Variants in PMFBP1 observed in about 807,000 individuals in gnomAD.
The protein encoded by PMFBP1 is polyamine modulated factor 1 binding protein 1.
Under a neutral mutation model 137.8 loss-of-function variants are expected in PMFBP1, and 131 were observed. That is an observed-to-expected ratio of 0.95 (90% confidence interval 0.82 to 1.10). The LOEUF (loss-of-function observed/expected upper bound fraction) is 1.10, where lower values mean the gene tolerates loss of function less well. PMFBP1 is among the 50% of genes least tolerant of loss of function. The probability of loss-of-function intolerance (pLI) is 0.00; values close to 1 mark genes in which losing one functional copy is unlikely to be tolerated. For missense variants in PMFBP1, 1,199 were observed against 1,175.4 expected, an observed-to-expected ratio of 1.02 and a Z score of -0.29; for synonymous variants, 490 against 450.4, an observed-to-expected ratio of 1.09 and a Z score of -1.11.
the PMFBP1 span, among the ~76,000 whole-genome samples, chr16:72,245,622 T>G: frequency 1.1e-3 from 160 of 152,322 alleles, no homozygotes; most frequent in Middle Eastern, 0.01. Flanking sequence ...ATGGCTAATC[T>G]GTTCCCTCCA....
At chr16:72,204,900 G>A in the PMFBP1 span, among the ~76,000 whole-genome samples, 1 of 152,158 alleles carries the variant, frequency 6.6e-6, no homozygotes, top group East Asian at 1.9e-4. Flanking sequence ...CTGAGGAATG[G>A]AATTTTAAAT....
chr16:72,219,014 T>C, the PMFBP1 span, among the ~76,000 whole-genome samples: 2 of 152,250 alleles, frequency 1.3e-5, no homozygotes, highest in African/African-American at 4.8e-5. Flanking sequence ...TATTTTAAAT[T>C]AAGTAAAAAT....
At chr16:72,206,286 A>C in the PMFBP1 span, among the ~76,000 whole-genome samples, 1 of 152,132 alleles carries the variant, frequency 6.6e-6, no homozygotes, top group Non-Finnish European at 1.5e-5. Context: ...TCCTCATAGA[A>C]TGTCTGACAA....
chr16:72,195,962 C>T, the PMFBP1 span, among the ~76,000 whole-genome samples: 1 of 151,574 alleles, frequency 6.6e-6, no homozygotes, highest in Non-Finnish European at 1.5e-5. Flanking sequence ...ATCTCTCTCT[C>T]TCTCTCAGAG....
intron 19 of PMFBP1, 177 bp from the exon 20 acceptor site, chr16:72,120,266 GA>G: frequency 9.4e-7 from 1 of 1,064,488 alleles, no homozygotes; most frequent in South Asian, 1.6e-5. Context: ...TCCTGTGAAA[GA>G]AGCCCAGGCC....
chr16:72,151,443 G>C (rs1301181241), intron 4 of PMFBP1, among the ~76,000 whole-genome samples: 1 of 152,156 alleles, frequency 6.6e-6, no homozygotes, highest in African/African-American at 2.4e-5. Context: ...ACCCCTCAAA[G>C]AGTTTAAAAC....
At chr16:72,125,093 C>T in intron 16 of PMFBP1, 145 bp downstream of exon 16, 1 of 1,380,002 alleles carries the variant, frequency 7.2e-7, no homozygotes, top group Non-Finnish European at 9.9e-7. Flanking sequence ...TCTTTGCTGC[C>T]TCTGTCTGAA....
chr16:72,134,873 G>T (rs962343473), intron 9 of PMFBP1, among the ~76,000 whole-genome samples: 2 of 152,116 alleles, frequency 1.3e-5, no homozygotes, highest in African/African-American at 4.8e-5. Flanking sequence ...TCTGATGTGG[G>T]TATATCAGTA....
intron 19 of PMFBP1, 147 bp downstream of exon 19, chr16:72,122,767 T>A: frequency 1.5e-6 from 1 of 655,480 alleles, no homozygotes; most frequent in Admixed American, 2.9e-5. Context: ...GTCACATAGA[T>A]GCAGATTCGA....
upstream of PMFBP1, among the ~76,000 whole-genome samples, chr16:72,175,546 G>C (rs1418978907): frequency 6.6e-6 from 1 of 152,170 alleles, no homozygotes; most frequent in Non-Finnish European, 1.5e-5. Context: ...AAGGAACACC[G>C]ACTATTCCTT....
chr16:72,160,730 A>G (rs2043049237), intron 3 of PMFBP1, among the ~76,000 whole-genome samples: 1 of 152,326 alleles, frequency 6.6e-6, no homozygotes, highest in African/African-American at 2.4e-5. Flanking sequence ...GGAAGTTAAC[A>G]CTGTCCGGGC....
the PMFBP1 span, among the ~76,000 whole-genome samples, chr16:72,205,231 G>C: frequency 6.6e-6 from 1 of 152,232 alleles, no homozygotes; most frequent in African/African-American, 2.4e-5. Flanking sequence ...ATTTCTAAAA[G>C]CGATCTGCCT....
At chr16:72,164,690 T>C (rs963398904) in intron 3 of PMFBP1, 74 bp downstream of exon 3, 2 of 1,509,360 alleles carry the variant, frequency 1.3e-6, no homozygotes, top group Non-Finnish European at 8.9e-7. Flanking sequence ...AAGAACTTTC[T>C]ATTATTCCCG....
Position 72,140,574 on chromosome 16 carries a change from C to A in PMFBP1, c.645G>T (p.Glu215Asp). 6.2e-7 allele frequency: 1 copy of A among 1,612,792 alleles called. No individual in the cohort carries two copies. Among genetic ancestry groups the A allele is most frequent in the Non-Finnish European group, 8.5e-7 (1 of 1,179,058 alleles). ...GTACCTTTGAATGATCACCCTTGTT[C>A]TCAGGCTCCTGAGAGATTTAAAAAT... ...ELGGIMGQEP[E>D]NKGDHSKVRI... Residue 215 changes from glutamate (E) to aspartate (D), a missense_variant, in exon 6 of 21, where the codon GAG becomes GAT. Transcript: ENST00000237353.
chr16:72,206,293 A>C, the PMFBP1 span, among the ~76,000 whole-genome samples: 1 of 152,162 alleles, frequency 6.6e-6, no homozygotes, highest in Non-Finnish European at 1.5e-5. Context: ...AGAATGTCTG[A>C]CAATAGAATG....
At chr16:72,230,786 TA>T in the PMFBP1 span, among the ~76,000 whole-genome samples, 1 of 152,148 alleles carries the variant, frequency 6.6e-6, no homozygotes, top group African/African-American at 2.4e-5. Flanking sequence ...AGCTCTTCAT[TA>T]TTTCTTGCCT....
At chr16:72,120,250 C>T (rs750735608) in intron 19 of PMFBP1, 161 bp from the exon 20 acceptor site, 27 of 1,229,848 alleles carry the variant, frequency 2.2e-5, no homozygotes, top group African/African-American at 6.1e-5. Flanking sequence ...TGGAAGCCTA[C>T]GTGTGTCCTG....
the PMFBP1 span, among the ~76,000 whole-genome samples, chr16:72,212,801 TAAA>T: frequency 1.3e-5 from 2 of 151,854 alleles, no homozygotes; most frequent in Non-Finnish European, 2.9e-5. Context: ...CATCTGGGGT[TAAA>T]AAAAAGATCC....
chr16:72,153,741 C>T (rs190369828), intron 4 of PMFBP1, among the ~76,000 whole-genome samples: 18 of 148,118 alleles, frequency 1.2e-4, no homozygotes, highest in Admixed American at 1.0e-3. Flanking sequence ...TGATTGACTC[C>T]CACTCAACAT....
Sources: gnomAD v4.1 joint callset for allele counts (sites outside exome capture counted in the v4.1 genomes callset) on GRCh38, gnomAD v4.1.1 for gene constraint, MANE v1.5 for transcripts, NCBI Gene and HGNC (gene_info 2026-07-23, HGNC 2026-07-21) for gene names.